Variants in GABRG3 observed in about 807,000 individuals in gnomAD.
GABRG3 encodes gamma-aminobutyric acid type A receptor subunit gamma3.
Under a neutral mutation model 48.8 loss-of-function variants are expected in GABRG3, and 25 were observed. That is an observed-to-expected ratio of 0.51 (90% confidence interval 0.37 to 0.72). The LOEUF (loss-of-function observed/expected upper bound fraction) is 0.72, where lower values mean the gene tolerates loss of function less well. Ranked by LOEUF, GABRG3 falls within the 30% of genes least tolerant of loss-of-function variation. The pLI is 0.00. For synonymous variants in GABRG3, 227 were observed against 217.6 expected, an observed-to-expected ratio of 1.04 and a Z score of -0.38; for missense variants, 394 against 577.9, an observed-to-expected ratio of 0.68 and a Z score of 3.26.
At chr15:27,412,624 T>C (rs1887830077) in intron 5 of GABRG3, among the ~76,000 whole-genome samples, 1 of 152,178 alleles carries the variant, frequency 6.6e-6, no homozygotes, top group African/African-American at 2.4e-5. Flanking sequence ...GGAAATCAGA[T>C]GTTCTTGGCA....
intron 6 of GABRG3, among the ~76,000 whole-genome samples, chr15:27,511,582 GAGA>G (rs2150858623): frequency 6.6e-6 from 1 of 152,326 alleles, no homozygotes; most frequent in South Asian, 2.1e-4. Context: ...GTATGATGAT[GAGA>G]AGATTAAAAG....
At chr15:27,190,950 AC>A (rs1378663641) in intron 3 of GABRG3, among the ~76,000 whole-genome samples, 2 of 152,112 alleles carry the variant, frequency 1.3e-5, no homozygotes, top group Admixed American at 6.6e-5. Context: ...GTTTCAAAGA[AC>A]ATCTTTATTT....
intron 3 of GABRG3, among the ~76,000 whole-genome samples, chr15:27,301,468 A>G (rs994160293): frequency 6.6e-6 from 1 of 152,190 alleles, no homozygotes. Context: ...CTAAAAAAGC[A>G]TAATTCAGGA....
chr15:27,116,245 G>A (rs921662912), intron 3 of GABRG3, among the ~76,000 whole-genome samples: 1 of 152,162 alleles, frequency 6.6e-6, no homozygotes, highest in Non-Finnish European at 1.5e-5. Context: ...GCCCAAAGAC[G>A]GAACCTAGCT....
chr15:27,233,381 G>A (rs1356478731), intron 3 of GABRG3, among the ~76,000 whole-genome samples: 1 of 152,166 alleles, frequency 6.6e-6, no homozygotes, highest in Non-Finnish European at 1.5e-5. Context: ...GAGTGGAAGA[G>A]AATTCAGGAT....
At chr15:27,517,362 C>T (rs1891047063) in intron 6 of GABRG3, among the ~76,000 whole-genome samples, 1 of 152,224 alleles carries the variant, frequency 6.6e-6, no homozygotes, top group Admixed American at 6.5e-5. Flanking sequence ...CTACTGCCTC[C>T]CTCCTGCAAA....
intron 2 of GABRG3, among the ~76,000 whole-genome samples, chr15:27,021,866 A>G: frequency 6.6e-6 from 1 of 152,294 alleles, no homozygotes; most frequent in East Asian, 1.9e-4. Context: ...AATAAAATAC[A>G]ATAAGTTTAA....
At chr15:27,527,261 A>G (rs1379001606) in intron 7 of GABRG3, among the ~76,000 whole-genome samples, 172 bp from the exon 8 acceptor site, 1 of 152,232 alleles carries the variant, frequency 6.6e-6, no homozygotes, top group Non-Finnish European at 1.5e-5. Flanking sequence ...TCATTGAAAC[A>G]TTGCTTATAA....
At chr15:27,303,073 A>C (rs1261339399) in intron 3 of GABRG3, among the ~76,000 whole-genome samples, 2 of 151,896 alleles carry the variant, frequency 1.3e-5, no homozygotes, top group Admixed American at 1.3e-4. Flanking sequence ...TAGAACTGGA[A>C]AGCAAAGAGT....
In GABRG3 at chr15:27,019,243, T is replaced by C. The variant is rs573232788; in HGVS notation, c.203-7511T>C. Among the ~76,000 whole-genome samples, 540 of 151,978 alleles carry C rather than the reference T, an allele frequency of 3.6e-3. 3 individuals are homozygous for C. Among genetic ancestry groups the C allele is most frequent in the South Asian group, 0.013 (64 of 4,796 alleles). On this transcript the variant is annotated intron_variant, in intron 2 of 9. Transcript: ENST00000615808. ...GCCACCACGCCTGGCTAATTTTTTT[T>C]GTATTTTTAGTAGAGACGGGGTTTC...
chr15:27,533,289 A>C lies in GABRG3; in HGVS notation c.*408A>C. 1 of 190,680 alleles carries C rather than the reference A, an allele frequency of 5.2e-6. No individual in the cohort carries two copies. The highest frequency in any genetic ancestry group is 1.1e-5 in the Non-Finnish European group (1 of 92,594). The allele number at this position is 190,680 out of a possible 1,614,324, so 11.8% of individuals were successfully genotyped here. On this transcript the variant is annotated 3_prime_UTR_variant, in exon 10 of 10. Coordinates refer to ENST00000615808, the MANE Select transcript of GABRG3 (RefSeq NM_033223.5). ...CCTTTGCAGCCCTGGGTGTAGTAGC[A>C]CTCAGGAGTGTTGAATCACCCCTGG...
At chr15:27,039,746 T>C (rs181552641) in intron 3 of GABRG3, among the ~76,000 whole-genome samples, 5 of 152,316 alleles carry the variant, frequency 3.3e-5, no homozygotes, top group African/African-American at 9.6e-5. Context: ...AGAACTGTAT[T>C]CCTGAGGCCT....
At chr15:27,336,202 G>C (rs1434646016) in intron 5 of GABRG3, among the ~76,000 whole-genome samples, 1 of 127,748 alleles carries the variant, frequency 7.8e-6, no homozygotes, top group African/African-American at 3.4e-5. Context: ...AAGAAAGAAA[G>C]AAAGAAAGAG....
chr15:27,145,603 C>CTATCTATCTATCTATCTATCATCTATCTA (rs1555405976), intron 3 of GABRG3, among the ~76,000 whole-genome samples: 5 of 102,298 alleles, frequency 4.9e-5, no homozygotes, highest in African/African-American at 1.8e-4. Flanking sequence ...ATATATCTAT[C>CTATCTATCTATCTATCTATCATCTATCTA]TCTATCTATC....
intron 5 of GABRG3, among the ~76,000 whole-genome samples, chr15:27,404,212 C>A (rs371673993): frequency 5.9e-5 from 9 of 152,132 alleles, no homozygotes; most frequent in African/African-American, 1.9e-4. Context: ...CAGAGGGAGA[C>A]TCCGTCTGAA....
At chr15:27,237,538 A>AGCTCCATG (rs1293547795) in intron 3 of GABRG3, among the ~76,000 whole-genome samples, 1 of 152,196 alleles carries the variant, frequency 6.6e-6, no homozygotes, top group Non-Finnish European at 1.5e-5. Flanking sequence ...AACAGAAAAC[A>AGCTCCATG]GCTCCATGGG....
chr15:27,529,480 T>G (rs1292041723), intron 9 of GABRG3, among the ~76,000 whole-genome samples: 5 of 152,188 alleles, frequency 3.3e-5, no homozygotes, highest in Non-Finnish European at 7.3e-5. Flanking sequence ...GGTTTCCTAC[T>G]TGCTAATCAG....
intron 5 of GABRG3, among the ~76,000 whole-genome samples, chr15:27,471,242 T>C (rs1378470909): frequency 1.3e-5 from 2 of 152,296 alleles, no homozygotes; most frequent in East Asian, 1.9e-4. Flanking sequence ...CTTCTAGGTG[T>C]GGGCACCAGA....
At chr15:27,460,903 T>G (rs546116111) in intron 5 of GABRG3, among the ~76,000 whole-genome samples, 1 of 152,302 alleles carries the variant, frequency 6.6e-6, no homozygotes, top group Non-Finnish European at 1.5e-5. Flanking sequence ...TTCTCAGGGC[T>G]AGATAGCTAG....
Sources: allele counts gnomAD v4.1 joint callset (sites outside exome capture counted in the v4.1 genomes callset), GRCh38; gene constraint gnomAD v4.1.1; transcripts MANE v1.5; gene names NCBI Gene and HGNC (gene_info 2026-07-23, HGNC 2026-07-21).